The following FGD3 variants were observed in gnomAD, a reference collection of about 807,000 sequenced individuals.
The protein encoded by FGD3 is FYVE, RhoGEF and PH domain-containing protein 3.
In FGD3, 45 loss-of-function variants were observed where a neutral mutation model predicts 71.8. The observed-to-expected ratio is 0.63, with a 90% CI of 0.49 to 0.80. The LOEUF (loss-of-function observed/expected upper bound fraction) is 0.80. FGD3 is among the 30% of genes least tolerant of loss of function. The pLI, the probability that FGD3 is intolerant of heterozygous loss-of-function variation, is 0.00. For missense variants in FGD3, 844 were observed against 951.5 expected (o/e 0.89, Z 1.49); for synonymous variants, 378 against 392.8 (o/e 0.96, Z 0.44).
At chr9:92,983,297 T>G (rs958939691) in intron 3 of FGD3, among the ~76,000 whole-genome samples, 3 of 150,936 alleles carry the variant, frequency 2.0e-5, no homozygotes, top group African/African-American at 7.3e-5. Flanking sequence ...CTGAGGCGGG[T>G]GGATCATGAG....
chr9:93,029,351 A>G (rs1251785228), intron 14 of FGD3, among the ~76,000 whole-genome samples: 1 of 152,136 alleles, frequency 6.6e-6, no homozygotes, highest in Non-Finnish European at 1.5e-5. Context: ...TCCCCCTAAA[A>G]TGTTGCCATG....
intron 3 of FGD3, among the ~76,000 whole-genome samples, chr9:92,981,703 A>G (rs1188489065): frequency 6.6e-6 from 1 of 152,176 alleles, no homozygotes; most frequent in African/African-American, 2.4e-5. Context: ...AGTTTCCTTC[A>G]TATATTTAGG....
intron 6 of FGD3, among the ~76,000 whole-genome samples, chr9:93,007,073 T>G (rs1033086025): frequency 6.7e-6 from 1 of 148,334 alleles, no homozygotes; most frequent in East Asian, 2.1e-4. Context: ...AATTTTTTAT[T>G]TTTTATTTTT....
chr9:92,994,528 T>G (rs1437844424), intron 3 of FGD3, among the ~76,000 whole-genome samples: 1 of 152,256 alleles, frequency 6.6e-6, no homozygotes, highest in Non-Finnish European at 1.5e-5. Flanking sequence ...TTTTGGTGTT[T>G]TAGTCATGAA....
intron 3 of FGD3, among the ~76,000 whole-genome samples, chr9:92,982,147 G>A (rs548316731): frequency 5.0e-4 from 76 of 152,058 alleles, no homozygotes; most frequent in Admixed American, 7.2e-4. Flanking sequence ...TTCCTCCTAC[G>A]CTTCCTAGTC....
In FGD3 at chr9:93,015,799, C is replaced by T. The variant is rs1172966920; in HGVS notation, c.1245C>T (p.Val415=). ...KLRLMGQKFS[V]REKMDISGLQ... ...GGCTCATGGGCCAGAAGTTCAGCGT[C>T]CGGGAGAAGATGGACATCTCAGGCC... The change falls in exon 10 of 18, where the codon GTC becomes GTT. Residue 415 remains valine, a synonymous_variant. Coordinates refer to ENST00000375482, the MANE Select transcript of FGD3 (RefSeq NM_001083536.2). 6.2e-7 allele frequency: 1 copy of T among 1,614,162 alleles called. No homozygotes were observed. Among genetic ancestry groups the T allele is most frequent in the Admixed American group, 1.7e-5 (1 of 60,022 alleles).
chr9:93,026,967 G>C (rs1018583947), intron 14 of FGD3, among the ~76,000 whole-genome samples: 1 of 152,234 alleles, frequency 6.6e-6, no homozygotes, highest in African/African-American at 2.4e-5. Flanking sequence ...TGCCCACCTG[G>C]AGAAGAGGTT....
At chr9:93,011,356 C>T (rs1409883694) in intron 8 of FGD3, 84 bp downstream of exon 8, 15 of 1,536,256 alleles carry the variant, frequency 9.8e-6, no homozygotes, top group East Asian at 4.5e-5. Flanking sequence ...GCCCCTTTGC[C>T]GCTATCCTTT....
chr9:93,017,869 T>G (rs1587861172), intron 10 of FGD3, among the ~76,000 whole-genome samples: 5 of 145,238 alleles, frequency 3.4e-5, no homozygotes, highest in Admixed American at 6.9e-5. Context: ...GTCGGGGGGG[T>G]GGGTTTGGTC....
intron 17 of FGD3, 115 bp from the exon 18 acceptor site, chr9:93,035,223 C>T (rs1564174969): frequency 1.4e-6 from 2 of 1,428,018 alleles, no homozygotes; most frequent in Admixed American, 2.5e-5. Context: ...GGGCTCAGCA[C>T]CTGCCTTGCG....
At chr9:92,951,932 C>A (rs930881549) in intron 1 of FGD3, among the ~76,000 whole-genome samples, 2 of 152,170 alleles carry the variant, frequency 1.3e-5, no homozygotes, top group African/African-American at 4.8e-5. Flanking sequence ...AGCTCCAGGG[C>A]AGACAAAATC....
chr9:93,022,265 C>T (rs890307202), intron 13 of FGD3, 62 bp from the exon 14 acceptor site: 33 of 1,537,780 alleles, frequency 2.1e-5, no homozygotes, highest in South Asian at 3.4e-5. Flanking sequence ...ACTGTCCCCC[C>T]GCTGCACAGT....
At chr9:93,011,523 C>T (rs893253042) in intron 8 of FGD3, among the ~76,000 whole-genome samples, 5 of 152,174 alleles carry the variant, frequency 3.3e-5, no homozygotes, top group Admixed American at 6.5e-5. Flanking sequence ...ATGGGAGCCC[C>T]GACAGAGCCT....
intron 1 of FGD3, among the ~76,000 whole-genome samples, chr9:92,951,866 G>A (rs1858960496): frequency 6.6e-6 from 1 of 152,132 alleles, no homozygotes; most frequent in South Asian, 2.1e-4. Flanking sequence ...GGCTTGGGGG[G>A]ATCTCAGTCA....
chr9:92,952,441 G>C (rs1858971952), intron 1 of FGD3, among the ~76,000 whole-genome samples: 1 of 151,962 alleles, frequency 6.6e-6, no homozygotes, highest in South Asian at 2.1e-4. Context: ...GTTTCACCGT[G>C]TTAGCCAGGA....
chr9:92,971,820 G>C (rs1264101591), intron 1 of FGD3, among the ~76,000 whole-genome samples: 3 of 151,846 alleles, frequency 2.0e-5, no homozygotes, highest in Non-Finnish European at 2.9e-5. Flanking sequence ...TGTACAGTTG[G>C]ATAAACTTTG....
chr9:93,015,812 G>A lies in FGD3; in HGVS notation c.1258G>A (p.Asp420Asn). 1 of 1,614,152 alleles carries A rather than the reference G, an allele frequency of 6.2e-7. No individual in the cohort carries two copies. Among genetic ancestry groups the A allele is most frequent in the Non-Finnish European group, 8.5e-7 (1 of 1,180,016 alleles). The change falls in exon 10 of 18, where the codon GAC becomes AAC. Residue 420 changes from aspartate to asparagine, a missense_variant. Physicochemically the swap from Asp to Asn is conservative, Grantham distance 23. Coordinates refer to ENST00000375482, the MANE Select transcript of FGD3 (RefSeq NM_001083536.2). Reference sequence around the variant, plus strand: ...GAAGTTCAGCGTCCGGGAGAAGATGGACATCTCAGGCCTCCAGGTGGGTGA... The same window carrying A: ...GAAGTTCAGCGTCCGGGAGAAGATGAACATCTCAGGCCTCCAGGTGGGTGA... ...GQKFSVREKM[D>N]ISGLQVQDIV... is the part of the protein sequence containing the mutation.
intron 1 of FGD3, among the ~76,000 whole-genome samples, chr9:92,950,401 A>G (rs1202911203): frequency 2.0e-5 from 3 of 151,656 alleles, no homozygotes; most frequent in East Asian, 3.9e-4. Context: ...CCTGGGCGAC[A>G]GAGCAAGATT....
At chr9:92,989,708 T>A (rs1468643409) in intron 3 of FGD3, among the ~76,000 whole-genome samples, 2 of 152,216 alleles carry the variant, frequency 1.3e-5, no homozygotes, top group Non-Finnish European at 2.9e-5. Flanking sequence ...TATGTATTCA[T>A]CTGGTTCTCA....
Sources: gnomAD v4.1 joint callset for allele counts (sites outside exome capture counted in the v4.1 genomes callset) on GRCh38, gnomAD v4.1.1 for gene constraint, MANE v1.5 for transcripts, NCBI Gene and HGNC (gene_info 2026-07-23, HGNC 2026-07-21) for gene names.